Variants in VWA1 observed in about 807,000 individuals in gnomAD.
VWA1 encodes the protein von Willebrand factor A domain containing 1.
Under a neutral mutation model 14.9 loss-of-function variants are expected in VWA1, and 12 were observed. The ratio of observed to expected loss-of-function variants is 0.80; its 90% CI spans 0.52 to 1.30. VWA1 has a LOEUF of 1.30. VWA1 is among the 50% of genes most tolerant of loss of function. The pLI, the probability that VWA1 is intolerant of heterozygous loss-of-function variation, is 0.00. For synonymous variants in VWA1, 368 were observed against 310.7 expected, an observed-to-expected ratio of 1.18 and a Z score of -1.94; for missense variants, 800 against 649.1, an observed-to-expected ratio of 1.23 and a Z score of -2.53.
In VWA1 at chr1:1,439,744, T is replaced by G; in HGVS notation, c.1295T>G (p.Val432Gly). 4 of 1,100,052 alleles carry G rather than the reference T, an allele frequency of 3.6e-6. No homozygotes were observed. The highest frequency in any genetic ancestry group is 4.4e-6 in the Non-Finnish European group (4 of 904,668). 68.1% of individuals were successfully genotyped at this position (1,100,052 alleles called of 1,614,324 possible). The stretch of plus-strand genomic sequence containing the variant: ...GGCCCGCGCCCGCGCCCACGCCCCG[T>G]GCCCCGCGCCCCGACCCCGGGGACC... ...PDGPRPRPRPVPRAPTPGTAS... is the reference protein window; with the variant it reads ...PDGPRPRPRPGPRAPTPGTAS... The change falls in exon 3 of 3, where the codon GTG (valine) becomes GGG (glycine). Residue 432 changes from valine to glycine, a missense_variant. Coordinates refer to ENST00000476993, the MANE Select transcript of VWA1 (RefSeq NM_022834.5).
In VWA1 at chr1:1,439,844, C is replaced by A; in HGVS notation, c.*57C>A. On this transcript the variant is annotated 3_prime_UTR_variant, in exon 3 of 3. Transcript: ENST00000476993. ...CGCCTACCTGAGGGCCCCTGTGTCCCGAACCCGGAGCGGAGGCGCCCAACC... is the reference window on the plus strand; with the variant it reads ...CGCCTACCTGAGGGCCCCTGTGTCCAGAACCCGGAGCGGAGGCGCCCAACC... 9.5e-7 allele frequency: 1 copy of A among 1,052,036 alleles called. No individual in the cohort carries two copies. The highest frequency in any genetic ancestry group is 4.4e-5 in the South Asian group (1 of 22,610). 65.2% of individuals were successfully genotyped at this position (1,052,036 alleles called of 1,614,324 possible). A position where few individuals can be genotyped will look rare whatever the true frequency, so the allele number is the denominator to read the frequency against.
Position 1,439,289 on chromosome 1 carries a change from C to T in VWA1, c.840C>T (p.Asp280=), listed in dbSNP as rs749047455. 1.9e-6 allele frequency: 3 copies of T among 1,601,346 alleles called. No individual in the cohort carries two copies. The highest frequency in any genetic ancestry group is 2.2e-5 in the East Asian group (1 of 44,506). Residue 280 remains aspartate (D), a synonymous_variant, in exon 3 of 3, where the codon GAC becomes GAT. Transcript: ENST00000476993. Reference sequence around the variant, plus strand: ...GCCTCGACCCGGACACGGACTACGACGTGGCGCTAGTGCCTGAGTCCAACG... The same window carrying T: ...GCCTCGACCCGGACACGGACTACGATGTGGCGCTAGTGCCTGAGTCCAACG... The part of the protein sequence containing the change: ...WAGLDPDTDY[D]VALVPESNVR...
At position 1,437,010 on chromosome 1, in the gene VWA1, G is replaced by T. The variant is rs1557769057; in HGVS notation, c.157G>T (p.Val53Phe). Reference protein sequence around the residue: ...ASVSHYEFSRVREFVGQLVAP... With the variant: ...ASVSHYEFSRFREFVGQLVAP... The stretch of plus-strand genomic sequence containing the variant: ...CGTCTCTCACTACGAGTTCTCCCGG[G>T]TTCGGGAGTTTGTGGGGCAGCTGGT... The change falls in exon 2 of 3, where the codon GTT becomes TTT. Residue 53 changes from valine to phenylalanine, a missense_variant. Val to Phe is a conservative substitution (Grantham distance 50, BLOSUM62 -1). Transcript: ENST00000476993. 1.2e-6 allele frequency: 2 copies of T among 1,612,604 alleles called. No homozygotes were observed. Among genetic ancestry groups the T allele is most frequent in the Non-Finnish European group, 1.7e-6 (2 of 1,179,868 alleles).
At chr1:1,436,330 C>G (rs1638540151) in intron 1 of VWA1, among the ~76,000 whole-genome samples, 1 of 152,098 alleles carries the variant, frequency 6.6e-6, no homozygotes, top group African/African-American at 2.4e-5. Context: ...TTCCGGCTTT[C>G]AGGCTGCTGG....
At position 1,439,752 on chromosome 1, in the gene VWA1, G is replaced by T. The variant is rs998485992; in HGVS notation, c.1303G>T (p.Ala435Ser). 5 of 1,090,048 alleles carry T rather than the reference G, an allele frequency of 4.6e-6. No homozygotes were observed. Among genetic ancestry groups the T allele is most frequent in the Non-Finnish European group, 4.5e-6 (4 of 898,532 alleles). 67.5% of individuals were successfully genotyped at this position (1,090,048 alleles called of 1,614,324 possible). The change falls in exon 3 of 3, where the codon GCC (alanine) becomes TCC (serine). Residue 435 changes from alanine (A) to serine (S), a missense_variant. Ala to Ser is a moderately conservative substitution (Grantham distance 99). Coordinates refer to ENST00000476993, the MANE Select transcript of VWA1 (RefSeq NM_022834.5). ...CCCGCGCCCACGCCCCGTGCCCCGC[G>T]CCCCGACCCCGGGGACCGCCAGCCG... ...PRPRPRPVPRAPTPGTASREP is the reference protein window; with the variant it reads ...PRPRPRPVPRSPTPGTASREP
Position 1,435,722 on chromosome 1 carries a change from C to T in VWA1, c.-27C>T, listed in dbSNP as rs1221701362. 5.9e-6 allele frequency: 7 copies of T among 1,193,622 alleles called. No homozygotes were observed. The highest frequency in any genetic ancestry group is 8.2e-5 in the Admixed American group (2 of 24,518). The allele number at this position is 1,193,622 out of a possible 1,614,324, so 73.9% of individuals were successfully genotyped here. On this transcript the variant is annotated 5_prime_UTR_variant, in exon 1 of 3. Transcript: ENST00000476993. ...AGCGAGCGAGCGAGCGAGCGAGTTG[C>T]CGAGCGCGCCCCGTCCCTCGCGCGC...
Position 1,437,475 on chromosome 1 carries a change from TC to T in VWA1, c.624del (p.Ile209PhefsTer28). The T allele has an allele frequency of 6.2e-7, 1 of 1,601,546 alleles. No homozygotes were observed. Among genetic ancestry groups the T allele is most frequent in the Non-Finnish European group, 8.5e-7 (1 of 1,171,122 alleles). ...CATCATTGTCCAAGAGCTGAGGGGC[TC>T]CATTCTCGGTATGCGGGAGGAGGCA... ...LHIIVQELRG[S>X]ILDAMRPQQL... On this transcript the variant is annotated frameshift_variant, in exon 2 of 3. Transcript: ENST00000476993. LOFTEE classifies it low-confidence loss of function (END_TRUNC).
At chr1:1,435,894 C>T in intron 1 of VWA1, 73 bp downstream of exon 1, 2 of 396,192 alleles carry the variant, frequency 5.0e-6, no homozygotes, top group Non-Finnish European at 6.8e-6. Context: ...CGCGCAAGGC[C>T]GTCGCTGTCC....
rs770092799 is a variant in VWA1 at position 1,435,741 on chromosome 1, C to A, written c.-8C>A. The A allele has an allele frequency of 5.8e-6, 7 of 1,207,764 alleles. No individual in the cohort carries two copies. The highest frequency in any genetic ancestry group is 8.1e-5 in the Admixed American group (2 of 24,574). The allele number at this position is 1,207,764 out of a possible 1,614,324, so 74.8% of individuals were successfully genotyped here. ...GAGTTGCCGAGCGCGCCCCGTCCCTCGCGCGCGATGCTCCCCTGGACGGCG... is the reference window on the plus strand; with the variant it reads ...GAGTTGCCGAGCGCGCCCCGTCCCTAGCGCGCGATGCTCCCCTGGACGGCG... On this transcript the variant is annotated 5_prime_UTR_variant, in exon 1 of 3. Transcript: ENST00000476993.
In VWA1 at chr1:1,435,711, C is replaced by T. The variant is rs947109436; in HGVS notation, c.-38C>T. 7.6e-6 allele frequency: 9 copies of T among 1,182,686 alleles called. No individual in the cohort carries two copies. Among genetic ancestry groups the T allele is most frequent in the Admixed American group, 4.1e-5 (1 of 24,166 alleles). The allele number at this position is 1,182,686 out of a possible 1,614,324, so 73.3% of individuals were successfully genotyped here. On this transcript the variant is annotated 5_prime_UTR_variant, in exon 1 of 3. Coordinates refer to ENST00000476993, the MANE Select transcript of VWA1 (RefSeq NM_022834.5). ...CTGCAGCCCCGAGCGAGCGAGCGAG[C>T]GAGCGAGTTGCCGAGCGCGCCCCGT...
chr1:1,439,169 G>C lies in VWA1; in HGVS notation c.720G>C (p.Ser240=), dbSNP rs149123284. 7 of 1,604,532 alleles carry C rather than the reference G, an allele frequency of 4.4e-6. No homozygotes were observed. Among genetic ancestry groups the C allele is most frequent in the African/African-American group, 2.7e-5 (2 of 74,908 alleles). ...LAWPPLLTAD[S]GYYVLELVPS... ...GGCCACCCCTGCTGACCGCAGACTCGGGCTACTATGTGCTGGAGCTGGTGC... is the reference window on the plus strand; with the variant it reads ...GGCCACCCCTGCTGACCGCAGACTCCGGCTACTATGTGCTGGAGCTGGTGC... The change falls in exon 3 of 3, where the codon TCG becomes TCC. Residue 240 remains serine (S), a synonymous_variant. Coordinates refer to ENST00000476993, the MANE Select transcript of VWA1 (RefSeq NM_022834.5).
chr1:1,439,213 C>T lies in VWA1; in HGVS notation c.764C>T (p.Ala255Val), dbSNP rs1638605649. 1 of 1,607,048 alleles carries T rather than the reference C, an allele frequency of 6.2e-7. No individual in the cohort carries two copies. The highest frequency in any genetic ancestry group is 1.7e-5 in the Admixed American group (1 of 59,866). Residue 255 changes from alanine to valine, a missense_variant, in exon 3 of 3, where the codon GCT becomes GTT. Ala to Val is a moderately conservative substitution (Grantham distance 64). Coordinates refer to ENST00000476993, the MANE Select transcript of VWA1 (RefSeq NM_022834.5). ...CTGGTGCCCAGCGCCCAGCCGGGGG[C>T]TGCAAGACGCCAGCAGCTGCCAGGG... ...LELVPSAQPG[A>V]ARRQQLPGNA...
In VWA1 at chr1:1,441,830, A is replaced by G. The variant is rs1363115730; in HGVS notation, c.*2043A>G. On this transcript the variant is annotated 3_prime_UTR_variant, in exon 3 of 3. Coordinates refer to ENST00000476993, the MANE Select transcript of VWA1 (RefSeq NM_022834.5). The stretch of plus-strand genomic sequence containing the variant: ...GCTTCTGTGGACGACTCAGACTCAC[A>G]TGAGAAGCTGGGAGGAGCTCCAGCT... 1.3e-5 allele frequency: 2 copies of G among 152,184 alleles called. No individual in the cohort carries two copies. Among genetic ancestry groups the G allele is most frequent in the East Asian group, 1.9e-4 (1 of 5,182 alleles). The allele number at this position is 152,184 out of a possible 1,614,324, so 9.4% of individuals were successfully genotyped here. A position where few individuals can be genotyped will look rare whatever the true frequency, so the allele number is the denominator to read the frequency against.
At chr1:1,436,262 G>A (rs1274601419) in intron 1 of VWA1, among the ~76,000 whole-genome samples, 2 of 152,208 alleles carry the variant, frequency 1.3e-5, no homozygotes, top group East Asian at 3.9e-4. Flanking sequence ...GCGGTGTAGG[G>A]GGCATCAGCC....
intron 2 of VWA1, 31 bp downstream of exon 2, chr1:1,437,515 C>G: frequency 6.4e-7 from 1 of 1,571,646 alleles, no homozygotes; most frequent in East Asian, 2.3e-5. Flanking sequence ...CCCAGGGAGC[C>G]CTAGCTGGGA....
chr1:1,438,906 C>T lies in VWA1; in HGVS notation c.632-175C>T, dbSNP rs2242392. 0.05 allele frequency among the ~76,000 whole-genome samples: 7,672 copies of T among 152,258 alleles called. 282 individuals carry two copies. The highest frequency in any genetic ancestry group is 0.12 in the East Asian group (606 of 5,168). On this transcript the variant is annotated intron_variant, in intron 2 of 2. Transcript: ENST00000476993. ...CCTCCGTCCTCCCCCAGCCAAGGCA[C>T]GTTCTGAGAATCCCCAGCATCTGCG...
At position 1,439,511 on chromosome 1, in the gene VWA1, A is replaced by G; in HGVS notation, c.1062A>G (p.Pro354=). Residue 354 remains proline (P), a synonymous_variant, in exon 3 of 3, where the codon CCA becomes CCG. Coordinates refer to ENST00000476993, the MANE Select transcript of VWA1 (RefSeq NM_022834.5). ...GCAGCCTCCGCGTGAGTTGGGCCCC[A>G]GCGCTGGGCTCAGCCGCGGCGCTCG... ...RPRSLRVSWA[P]ALGSAAALGY... The G allele has an allele frequency of 1.4e-6, 2 of 1,395,716 alleles. No individual in the cohort carries two copies. Among genetic ancestry groups the G allele is most frequent in the Non-Finnish European group, 1.9e-6 (2 of 1,077,814 alleles). The allele number at this position is 1,395,716 out of a possible 1,614,324, so 86.5% of individuals were successfully genotyped here.
intron 2 of VWA1, among the ~76,000 whole-genome samples, 196 bp from the exon 3 acceptor site, chr1:1,438,885 C>T (rs543164186): frequency 6.6e-6 from 1 of 152,202 alleles, no homozygotes; most frequent in Non-Finnish European, 1.5e-5. Context: ...CCCTTTCCTC[C>T]GTCCTCCCCC....
intron 1 of VWA1, among the ~76,000 whole-genome samples, chr1:1,436,389 A>G (rs75564602): frequency 3.0e-5 from 2 of 66,806 alleles, no homozygotes; most frequent in African/African-American, 3.3e-4. Flanking sequence ...GATGGAGGCC[A>G]GGGGAGGGGC....
Sources: allele counts gnomAD v4.1 joint callset (sites outside exome capture counted in the v4.1 genomes callset), GRCh38; gene constraint gnomAD v4.1.1; transcripts MANE v1.5; gene names NCBI Gene and HGNC (gene_info 2026-07-23, HGNC 2026-07-21).